Variants in GSE1 observed in about 807,000 individuals in gnomAD.
GSE1 encodes the protein genetic suppressor element 1.
GSE1 carries 32 observed loss-of-function variants against 112.6 expected under a neutral mutation model. That is an observed-to-expected ratio of 0.28 (90% CI 0.21 to 0.38). The LOEUF (loss-of-function observed/expected upper bound fraction) is 0.38. Among genes scored for constraint, GSE1 ranks in the 10% least tolerant of loss-of-function variants. The pLI, the probability that GSE1 is intolerant of heterozygous loss-of-function variation, is 1.00. For synonymous variants in GSE1, 1,115 were observed against 735.6 expected, an observed-to-expected ratio of 1.52 and a Z score of -8.35; for missense variants, 2,348 against 1,699.2, an observed-to-expected ratio of 1.38 and a Z score of -6.71.
intron 2 of GSE1, among the ~76,000 whole-genome samples, chr16:85,507,576 G>T (rs986745098): frequency 6.6e-6 from 1 of 152,246 alleles, no homozygotes; most frequent in Non-Finnish European, 1.5e-5. Context: ...TGAAGTCAAG[G>T]TGTGAGCAGG....
intron 1 of GSE1, among the ~76,000 whole-genome samples, chr16:85,236,521 G>A (rs915916850): frequency 6.6e-6 from 1 of 152,226 alleles, no homozygotes; most frequent in Non-Finnish European, 1.5e-5. Flanking sequence ...CTGTGCATAG[G>A]CCTGGGTGTG....
intron 1 of GSE1, among the ~76,000 whole-genome samples, chr16:85,583,938 G>A (rs1034125147): frequency 6.6e-6 from 1 of 152,216 alleles, no homozygotes; most frequent in African/African-American, 2.4e-5. Flanking sequence ...AGTACAAAAC[G>A]CTGTTTCAAA....
At chr16:85,467,703 A>T (rs1476018200) in intron 2 of GSE1, among the ~76,000 whole-genome samples, 2 of 152,190 alleles carry the variant, frequency 1.3e-5, no homozygotes, top group Non-Finnish European at 2.9e-5. Flanking sequence ...ACGCAGCATC[A>T]CTTCTATGGT....
At chr16:85,556,138 CG>C (rs2045198434) in exon 1 of GSE1, 2 of 794,530 alleles carry the variant, frequency 2.5e-6, no homozygotes, top group Non-Finnish European at 1.5e-6. Flanking sequence ...GATCATCTTG[CG>C]GGGCGGGGGG....
upstream of GSE1, among the ~76,000 whole-genome samples, chr16:85,606,725 C>G (rs2151509194): frequency 6.6e-6 from 1 of 152,324 alleles, no homozygotes; most frequent in South Asian, 2.1e-4. Flanking sequence ...CCCAGGATTT[C>G]AGACACCTGG....
chr16:85,235,454 G>A (rs1162288153), intron 1 of GSE1, among the ~76,000 whole-genome samples: 1 of 150,922 alleles, frequency 6.6e-6, no homozygotes, highest in Non-Finnish European at 1.5e-5. Flanking sequence ...GTGTGTGTGT[G>A]TGTGTGTGTG....
intron 2 of GSE1, among the ~76,000 whole-genome samples, chr16:85,520,335 G>GAAT (rs201141800): frequency 0.03 from 4,574 of 152,236 alleles, 109 homozygotes; most frequent in South Asian, 0.1. Flanking sequence ...TTCAACACAG[G>GAAT]AATTGGAGGC....
chr16:85,491,910 T>C (rs1567532792), intron 2 of GSE1, among the ~76,000 whole-genome samples: 1 of 152,124 alleles, frequency 6.6e-6, no homozygotes, highest in African/African-American at 2.4e-5. Flanking sequence ...GCTCCATTCA[T>C]GTGGACAGGA....
intron 2 of GSE1, among the ~76,000 whole-genome samples, chr16:85,480,937 G>T (rs1209717442): frequency 6.6e-6 from 1 of 152,254 alleles, no homozygotes. Flanking sequence ...CCAGGGAGCA[G>T]CGCGTGCAGA....
intron 1 of GSE1, among the ~76,000 whole-genome samples, chr16:85,187,219 T>C (rs181059176): frequency 1.1e-4 from 17 of 152,340 alleles, no homozygotes; most frequent in Middle Eastern, 3.4e-3. Flanking sequence ...GGATCCCTTG[T>C]GACTGTGGCT....
chr16:85,467,812 T>A (rs1431387319), intron 2 of GSE1, among the ~76,000 whole-genome samples: 2 of 152,222 alleles, frequency 1.3e-5, no homozygotes, highest in African/African-American at 4.8e-5. Flanking sequence ...TTTTCAGGAC[T>A]GCCACATACC....
intron 2 of GSE1, among the ~76,000 whole-genome samples, chr16:85,635,403 C>A (rs1238985884): frequency 6.6e-6 from 1 of 152,164 alleles, no homozygotes; most frequent in South Asian, 2.1e-4. Flanking sequence ...CACACCTGAG[C>A]GGGCCAGGTT....
intron 2 of GSE1, among the ~76,000 whole-genome samples, chr16:85,392,969 C>A (rs566117614): frequency 6.6e-6 from 1 of 152,332 alleles, no homozygotes; most frequent in South Asian, 2.1e-4. Context: ...CCTCTCCCTG[C>A]CTCTTTGGGC....
chr16:85,614,283 C>G (rs1012188580), intron 1 of GSE1, among the ~76,000 whole-genome samples: 4 of 152,106 alleles, frequency 2.6e-5, no homozygotes, highest in Non-Finnish European at 5.9e-5. Context: ...CGAGTGGAGC[C>G]GATTCAATTA....
At chr16:85,174,532 C>T (rs539434137) in intron 1 of GSE1, among the ~76,000 whole-genome samples, 1 of 152,226 alleles carries the variant, frequency 6.6e-6, no homozygotes, top group Non-Finnish European at 1.5e-5. Flanking sequence ...CCTCCCTCCC[C>T]CTCCTTCCCA....
chr16:85,480,102 A>G (rs1409211580), intron 2 of GSE1, among the ~76,000 whole-genome samples: 1 of 152,108 alleles, frequency 6.6e-6, no homozygotes, highest in Non-Finnish European at 1.5e-5. Context: ...AACATCCTCA[A>G]CGTCCTGTTC....
chr16:85,400,630 T>A (rs567762889), intron 2 of GSE1, among the ~76,000 whole-genome samples: 10 of 28,142 alleles, frequency 3.6e-4, no homozygotes, highest in Middle Eastern at 0.062. Flanking sequence ...TCTCTGTGTG[T>A]CTGTGTGTTG....
chr16:85,422,741 C>T (rs1042901655), intron 2 of GSE1, among the ~76,000 whole-genome samples: 8 of 151,890 alleles, frequency 5.3e-5, no homozygotes, highest in African/African-American at 1.9e-4. Flanking sequence ...CTTGGGAGGC[C>T]GGAGCCAGGG....
At chr16:85,654,003 G>C (rs1376449411) in intron 3 of GSE1, among the ~76,000 whole-genome samples, 1 of 152,142 alleles carries the variant, frequency 6.6e-6, no homozygotes, top group Non-Finnish European at 1.5e-5. Context: ...TTTCTGGGGG[G>C]TTCTAGTTCT....
Sources: allele counts gnomAD v4.1 joint callset (sites outside exome capture counted in the v4.1 genomes callset), GRCh38; gene constraint gnomAD v4.1.1; transcripts MANE v1.5; gene names NCBI Gene and HGNC (gene_info 2026-07-23, HGNC 2026-07-21).